Variants in FBXL13 observed in about 807,000 individuals in gnomAD.
FBXL13 encodes F-box and leucine-rich repeat protein 13.
Under a neutral mutation model 83.6 loss-of-function variants are expected in FBXL13, and 67 were observed. The ratio of observed to expected loss-of-function variants is 0.80; its 90% confidence interval spans 0.66 to 0.98. The LOEUF is 0.98. Among genes scored for constraint, FBXL13 ranks in the 50% least tolerant of loss-of-function variants. The pLI is 0.00. For synonymous variants in FBXL13, 272 were observed against 299.5 expected, an observed-to-expected ratio of 0.91 and a Z score of 0.95; for missense variants, 822 against 866.5, an observed-to-expected ratio of 0.95 and a Z score of 0.64.
intron 17 of FBXL13, among the ~76,000 whole-genome samples, chr7:102,847,467 A>G (rs1584596718): frequency 6.6e-6 from 1 of 152,206 alleles, no homozygotes; most frequent in East Asian, 1.9e-4. Flanking sequence ...TAAATGGATG[A>G]TTAATTTTTA....
At chr7:103,008,205 C>T (rs933771321) in intron 6 of FBXL13, among the ~76,000 whole-genome samples, 1 of 152,170 alleles carries the variant, frequency 6.6e-6, no homozygotes, top group Non-Finnish European at 1.5e-5. Flanking sequence ...TACAATAAAA[C>T]ATCCCTAATC....
chr7:102,992,169 A>G (rs1376942627), intron 6 of FBXL13, among the ~76,000 whole-genome samples: 3 of 152,164 alleles, frequency 2.0e-5, no homozygotes, highest in Non-Finnish European at 2.9e-5. Flanking sequence ...CAGTGAAGGG[A>G]GAAAAAGAAC....
intron 11 of FBXL13, among the ~76,000 whole-genome samples, chr7:102,893,964 GAGAA>G (rs370471835): frequency 0.034 from 2,562 of 75,364 alleles, 29 homozygotes; most frequent in Middle Eastern, 0.051. Context: ...GAAAGAAAGA[GAGAA>G]AGAAAGAAAG....
intron 8 of FBXL13, among the ~76,000 whole-genome samples, chr7:102,954,549 C>T (rs915622811): frequency 6.6e-6 from 1 of 152,210 alleles, no homozygotes; most frequent in Non-Finnish European, 1.5e-5. Flanking sequence ...ACAATATTAA[C>T]TTTAAATATA....
intron 6 of FBXL13, among the ~76,000 whole-genome samples, chr7:103,011,840 G>T (rs1791664061): frequency 6.6e-6 from 1 of 152,008 alleles, no homozygotes; most frequent in African/African-American, 2.4e-5. Flanking sequence ...CAAGAAATAT[G>T]GGATTATGTA....
Position 102,883,664 on chromosome 7 carries a change from G to A in FBXL13, c.1129C>T (p.Arg377Cys), listed in dbSNP as rs754583228. The A allele has an allele frequency of 3.4e-5, 54 of 1,607,578 alleles. No individual in the cohort carries two copies. The South Asian group carries it at 4.2e-4, about 13-fold the overall frequency. The change falls in exon 13 of 20, where the codon CGT (arginine) becomes TGT (cysteine). Residue 377 changes from arginine to cysteine, a missense_variant. By Grantham distance (180) the Arg-to-Cys change is radical. Coordinates refer to ENST00000313221, the Ensembl canonical transcript of FBXL13. ...CCAGTGAAAACCAGCGATGTAATAC[G>A]AGAGCATTTTTCAACTAAAGCCTTT... is the stretch of plus-strand genomic sequence containing the variant.
intron 6 of FBXL13, among the ~76,000 whole-genome samples, chr7:103,002,750 G>A (rs1051721976): frequency 6.6e-5 from 10 of 152,028 alleles, no homozygotes; most frequent in African/African-American, 1.7e-4. Context: ...TGGCCTATAC[G>A]GTTTCCACTG....
chr7:103,063,792 G>A (rs11971520), intron 1 of FBXL13, among the ~76,000 whole-genome samples: 1 of 147,962 alleles, frequency 6.8e-6, no homozygotes, highest in East Asian at 2.0e-4. Context: ...TGGCCTCAAG[G>A]AATCCTCCTG....
intron 17 of FBXL13, among the ~76,000 whole-genome samples, chr7:102,834,118 G>GA (rs1801368437): frequency 8.7e-6 from 1 of 114,626 alleles, no homozygotes; most frequent in African/African-American, 4.4e-5. Context: ...AAGAAAGAAA[G>GA]AAAGAAAGAA....
chr7:102,996,151 A>G (rs966871672), intron 6 of FBXL13, among the ~76,000 whole-genome samples: 7 of 152,194 alleles, frequency 4.6e-5, no homozygotes, highest in African/African-American at 1.7e-4. Flanking sequence ...TAATCAATAT[A>G]TTGTCAAACT....
intron 11 of FBXL13, among the ~76,000 whole-genome samples, chr7:102,889,413 T>A (rs927806875): frequency 2.0e-5 from 3 of 151,780 alleles, no homozygotes; most frequent in Non-Finnish European, 4.4e-5. Context: ...GTTTTTAATT[T>A]TTATTATTAT....
At chr7:103,053,630 AAATC>A (rs1393562530) in intron 2 of FBXL13, among the ~76,000 whole-genome samples, 1 of 152,230 alleles carries the variant, frequency 6.6e-6, no homozygotes, top group Non-Finnish European at 1.5e-5. Flanking sequence ...TTCTCAAGCA[AAATC>A]ATACTGAAAC....
chr7:102,822,286 T>C lies in FBXL13; in HGVS notation c.1855-83A>G, dbSNP rs184394606. On this transcript the variant is annotated intron_variant, in intron 18 of 19. Coordinates refer to ENST00000313221, the Ensembl canonical transcript of FBXL13. Reference sequence around the variant, plus strand: ...GTGCCTTAGTCACTTTGGGCAACTATAATAAACTACCACAGACTGTGGCTT... The same window carrying C: ...GTGCCTTAGTCACTTTGGGCAACTACAATAAACTACCACAGACTGTGGCTT... The C allele has an allele frequency of 2.8e-5, 36 of 1,264,984 alleles. No homozygotes were observed. In the African/African-American group the frequency reaches 4.3e-4, roughly 15 times the overall value. The allele number at this position is 1,264,984 out of a possible 1,614,324, so 78.4% of individuals were successfully genotyped here.
chr7:103,009,686 T>C, intron 6 of FBXL13, among the ~76,000 whole-genome samples: 1 of 152,188 alleles, frequency 6.6e-6, no homozygotes, highest in Admixed American at 6.5e-5. Context: ...CTGGAAGCAG[T>C]AAAATTGTTC....
chr7:102,817,927 A>C (rs1798228135), intron 19 of FBXL13, among the ~76,000 whole-genome samples: 1 of 152,246 alleles, frequency 6.6e-6, no homozygotes, highest in Non-Finnish European at 1.5e-5. Flanking sequence ...TCTTTGGATC[A>C]GTATAGAACA....
chr7:102,894,712 G>C (rs1812039133), intron 11 of FBXL13, among the ~76,000 whole-genome samples: 2 of 147,742 alleles, frequency 1.4e-5, no homozygotes, highest in Admixed American at 6.8e-5. Flanking sequence ...CTGGGTCACA[G>C]AGAAAGACTT....
Position 103,054,391 on chromosome 7 carries a change from A to G in FBXL13, c.-1+1253T>C, listed in dbSNP as rs60493703. On this transcript the variant is annotated intron_variant, in intron 2 of 19. Coordinates refer to ENST00000313221, the Ensembl canonical transcript of FBXL13. ...GGCAGCAGAGCAAGACTCCGTCTGG[A>G]AAAAAAAAAAAAAAAAAGAGAGAGA... 5.9e-3 allele frequency among the ~76,000 whole-genome samples: 565 copies of G among 96,482 alleles called. 1 individual carries two copies. The highest frequency in any genetic ancestry group is 0.014 in the Middle Eastern group (3 of 220). The allele number at this position is 96,482 out of a possible 152,430, so 63.3% of individuals were successfully genotyped here.
intron 6 of FBXL13, among the ~76,000 whole-genome samples, chr7:103,015,629 T>C (rs1477690876): frequency 6.6e-6 from 1 of 152,004 alleles, no homozygotes. Flanking sequence ...AAACCCCGTC[T>C]CTACTAAAAA....
chr7:102,927,478 A>G (rs1166792058), intron 9 of FBXL13, among the ~76,000 whole-genome samples: 2 of 152,238 alleles, frequency 1.3e-5, no homozygotes, highest in African/African-American at 4.8e-5. Context: ...GAGGTTTAAC[A>G]TTCCATTCAT....
Sources: gnomAD v4.1 joint callset for allele counts (sites outside exome capture counted in the v4.1 genomes callset) on GRCh38, gnomAD v4.1.1 for gene constraint, MANE v1.5 for transcripts, NCBI Gene and HGNC (gene_info 2026-07-23, HGNC 2026-07-21) for gene names.